Variants in NGLY1 observed in about 807,000 individuals in gnomAD.
The protein encoded by NGLY1 is N-glycanase 1.
Under a neutral mutation model 84.6 loss-of-function variants are expected in NGLY1, and 68 were observed. The observed-to-expected ratio is 0.80, with a 90% CI of 0.66 to 0.98. NGLY1 has a LOEUF of 0.98. Among genes scored for constraint, NGLY1 ranks in the 50% least tolerant of loss-of-function variants. The pLI is 0.00. For missense variants in NGLY1, 779 were observed against 770.2 expected, an observed-to-expected ratio of 1.01 and a Z score of -0.14; for synonymous variants, 280 against 275.2, an observed-to-expected ratio of 1.02 and a Z score of -0.17.
At chr3:25,778,019 A>G (rs1025482296) in intron 2 of NGLY1, among the ~76,000 whole-genome samples, 1 of 152,260 alleles carries the variant, frequency 6.6e-6, no homozygotes, top group Admixed American at 6.5e-5. Flanking sequence ...ATAAACATAA[A>G]GAAAATTCAG....
chr3:25,767,086 G>A (rs780687168), intron 2 of NGLY1, among the ~76,000 whole-genome samples: 8 of 152,124 alleles, frequency 5.3e-5, no homozygotes, highest in Non-Finnish European at 1.2e-4. Context: ...AAGGTCACGA[G>A]TTTGAGATCA....
chr3:25,734,645 G>T (rs181177043), intron 7 of NGLY1: 1 of 299,740 alleles, frequency 3.3e-6, no homozygotes, highest in African/African-American at 2.2e-5. Context: ...TTGGGAGGCA[G>T]AGGTTGCAGT....
chr3:25,736,227 T>G, intron 6 of NGLY1, 78 bp from the exon 7 acceptor site: 1 of 1,567,190 alleles, frequency 6.4e-7, no homozygotes, highest in Non-Finnish European at 8.7e-7. Context: ...ATACACAAAC[T>G]CCTAAGAATC....
chr3:25,789,266 G>C (rs1340789917), intron 1 of NGLY1, among the ~76,000 whole-genome samples: 1 of 152,046 alleles, frequency 6.6e-6, no homozygotes, highest in African/African-American at 2.4e-5. Flanking sequence ...CAATTTTTGA[G>C]CACTGTCTCA....
At chr3:25,785,341 T>G (rs1347794203), upstream of NGLY1, among the ~76,000 whole-genome samples, 1 of 152,022 alleles carries the variant, frequency 6.6e-6, no homozygotes, top group Non-Finnish European at 1.5e-5. Context: ...GTCTGGGAAA[T>G]GTAGTCTCGT....
chr3:25,751,039 T>C (rs2125512436), intron 4 of NGLY1, 59 bp downstream of exon 4: 1 of 1,523,682 alleles, frequency 6.6e-7, no homozygotes, highest in African/African-American at 1.4e-5. Flanking sequence ...ATTTCAGTAT[T>C]TTCTGTTTAT....
chr3:25,750,220 T>C lies in NGLY1; in HGVS notation c.658+878A>G, dbSNP rs75107411. Among the ~76,000 whole-genome samples the C allele has an allele frequency of 4.3e-3, 656 of 152,272 alleles. 4 individuals carry two copies. Among genetic ancestry groups the C allele is most frequent in the African/African-American group, 0.015 (609 of 41,544 alleles). ...ATCTCCTGGGACTCACTCATTATTA[T>C]GAGAGCAGCATCAGGGAAACCACCA... On this transcript the variant is annotated intron_variant, in intron 4 of 11. Transcript: ENST00000280700.
intron 1 of NGLY1, among the ~76,000 whole-genome samples, chr3:25,779,452 C>G (rs1190379624): frequency 2.0e-5 from 3 of 152,100 alleles, no homozygotes; most frequent in Admixed American, 2.0e-4. Context: ...ATTCAAAAGA[C>G]CCTCAGAACA....
intron 1 of NGLY1, among the ~76,000 whole-genome samples, chr3:25,778,905 G>A (rs929414629): frequency 3.2e-5 from 4 of 124,916 alleles, no homozygotes; most frequent in South Asian, 2.6e-4. Context: ...GGGGGGTCTC[G>A]CTTCAGTTTA....
In NGLY1 at chr3:25,778,632, G is replaced by A; in HGVS notation, c.188C>T (p.Thr63Ile). ...SIRIGNTAFS[T>I]RLLPVRGAVE... ...AGCTCCTCTGACAGGCAAGAGTCTAGTAGAAAAGGCTGTGTTTCCAATCCG... is the reference window on the plus strand; with the variant it reads ...AGCTCCTCTGACAGGCAAGAGTCTAATAGAAAAGGCTGTGTTTCCAATCCG... Residue 63 changes from threonine to isoleucine, a missense_variant, in exon 2 of 12, where the codon ACT (threonine) becomes ATT (isoleucine). Physicochemically the swap from Thr to Ile is moderately conservative, Grantham distance 89. Transcript: ENST00000280700. 1.2e-6 allele frequency: 2 copies of A among 1,612,860 alleles called. No homozygotes were observed. Among genetic ancestry groups the A allele is most frequent in the Non-Finnish European group, 1.7e-6 (2 of 1,179,384 alleles).
intron 2 of NGLY1, among the ~76,000 whole-genome samples, chr3:25,774,046 G>C (rs1253606546): frequency 2.0e-5 from 3 of 152,208 alleles, no homozygotes; most frequent in Non-Finnish European, 4.4e-5. Flanking sequence ...CTCTGTGTGG[G>C]ACCTTGGTTG....
intron 10 of NGLY1, among the ~76,000 whole-genome samples, chr3:25,727,731 A>G (rs1321191551): frequency 6.6e-6 from 1 of 152,220 alleles, no homozygotes; most frequent in Non-Finnish European, 1.5e-5. Flanking sequence ...AAATGAGTGT[A>G]TAAGACAAAG....
intron 3 of NGLY1, among the ~76,000 whole-genome samples, chr3:25,761,909 C>T (rs542686395): frequency 1.3e-4 from 20 of 152,144 alleles, no homozygotes; most frequent in East Asian, 3.9e-4. Context: ...TCCTGCAATA[C>T]GAAGAACTTC....
intron 2 of NGLY1, among the ~76,000 whole-genome samples, chr3:25,776,960 A>G (rs1005327707): frequency 1.3e-5 from 2 of 152,192 alleles, no homozygotes; most frequent in African/African-American, 4.8e-5. Flanking sequence ...ACTTTATACA[A>G]ACCACTACCA....
At chr3:25,720,922 A>G (rs1704954550) in intron 10 of NGLY1, among the ~76,000 whole-genome samples, 1 of 151,704 alleles carries the variant, frequency 6.6e-6, no homozygotes, top group Admixed American at 6.6e-5. Flanking sequence ...TCAGTCGTTC[A>G]TCCCTTACGT....
chr3:25,735,536 A>G (rs1575617907), intron 7 of NGLY1: 1 of 153,260 alleles, frequency 6.5e-6, no homozygotes, highest in South Asian at 2.0e-4. Context: ...ATCATACTAA[A>G]TGTTAGCAAG....
intron 1 of NGLY1, among the ~76,000 whole-genome samples, chr3:25,788,512 TAAG>T (rs1177640519): frequency 6.6e-6 from 1 of 152,232 alleles, no homozygotes; most frequent in Admixed American, 6.5e-5. Context: ...GAAAAGGTGA[TAAG>T]AGGTAGATAC....
At chr3:25,728,466 G>GTGAA in intron 10 of NGLY1, among the ~76,000 whole-genome samples, 1 of 152,282 alleles carries the variant, frequency 6.6e-6, no homozygotes. Context: ...CTGAGGTCAT[G>GTGAA]TGAATAGCTT....
rs9851624 is a variant in NGLY1 at position 25,767,933 on chromosome 3, C to T, written c.247-3622G>A. ...CTGACCAGCCTGCTGGCCAACATGG[C>T]GAAACCCCGTCTCTACTAAAAACAC... On this transcript the variant is annotated intron_variant, in intron 2 of 11. Coordinates refer to ENST00000280700, the MANE Select transcript of NGLY1 (RefSeq NM_018297.4). 8.1e-3 allele frequency among the ~76,000 whole-genome samples: 1,193 copies of T among 147,246 alleles called. 12 individuals carry two copies. The highest frequency in any genetic ancestry group is 0.026 in the African/African-American group (1,040 of 39,916).
Sources: allele counts gnomAD v4.1 joint callset (sites outside exome capture counted in the v4.1 genomes callset), GRCh38; gene constraint gnomAD v4.1.1; transcripts MANE v1.5; gene names NCBI Gene and HGNC (gene_info 2026-07-23, HGNC 2026-07-21).